The following PHLDA1 variants were observed in gnomAD, a reference collection of about 807,000 sequenced individuals.
The protein encoded by PHLDA1 is pleckstrin homology-like domain family A member 1.
A neutral mutation model predicts 33.8 loss-of-function variants in PHLDA1; 28 were observed. The ratio of observed to expected loss-of-function variants is 0.83; its 90% confidence interval spans 0.61 to 1.14. PHLDA1 has a LOEUF of 1.14. Among genes scored for constraint, PHLDA1 ranks in the 50% most tolerant of loss-of-function variants. PHLDA1 has a pLI of 0.00. For missense variants in PHLDA1, 595 were observed against 548.6 expected (o/e 1.08, Z -0.84); for synonymous variants, 271 against 243.6 (o/e 1.11, Z -1.05).
At chr12:76,025,799 G>T (rs1281252959) in exon 2 of PHLDA1, 1 of 152,202 alleles carries the variant, frequency 6.6e-6, no homozygotes, top group Non-Finnish European at 1.5e-5. Flanking sequence ...CAGAGCAGTG[G>T]AGAGTAGGTC....
In PHLDA1 at chr12:76,030,500, G is replaced by C; in HGVS notation, c.*26+10C>G. On this transcript the variant is annotated intron_variant, in intron 1 of 1. Transcript: ENST00000266671. ...CCCACTCCTCGGGAGCGCGAGTGCC[G>C]GGACCTTACCTTGTCTTGCCCGGGA... is the stretch of plus-strand genomic sequence containing the variant. 6.2e-7 allele frequency: 1 copy of C among 1,600,912 alleles called. No individual in the cohort carries two copies.
At chr12:76,026,763 C>T (rs1738072624) in exon 2 of PHLDA1, 1 of 152,168 alleles carries the variant, frequency 6.6e-6, no homozygotes, top group Non-Finnish European at 1.5e-5. Context: ...GTCAGCACTC[C>T]CCATAGAGCA....
exon 2 of PHLDA1, chr12:76,028,821 TCC>T (rs1565701494): frequency 6.6e-6 from 1 of 152,600 alleles, no homozygotes; most frequent in African/African-American, 2.4e-5. Context: ...TCCTCTTTTT[TCC>T]CCCAACAGAC....
intron 1 of PHLDA1, 41 bp downstream of exon 1, chr12:76,030,469 C>T (rs199818898): frequency 6.5e-7 from 1 of 1,535,958 alleles, no homozygotes; most frequent in Non-Finnish European, 8.9e-7. Context: ...CTCACTACCC[C>T]CGAGACCCAC....
chr12:76,030,660 TGA>T lies in PHLDA1; in HGVS notation c.1080_1081del (p.His361SerfsTer55), dbSNP rs1565701974. 2 of 1,316,950 alleles carry T rather than the reference TGA, an allele frequency of 1.5e-6. No individual in the cohort carries two copies. The highest frequency in any genetic ancestry group is 3.7e-5 in the Admixed American group (2 of 54,264). The allele number at this position is 1,316,950 out of a possible 1,614,324, so 81.6% of individuals were successfully genotyped here. On this transcript the variant is annotated frameshift_variant, in exon 1 of 2. Coordinates refer to ENST00000266671, the Ensembl canonical transcript of PHLDA1. LOFTEE classifies it high-confidence loss of function. ...GTGAGGGTGTGGGTGCGAGTGAGGA[TGA>T]GAGTGTGGATGTGGATGTGGATGCG...
exon 1 of PHLDA1, chr12:76,030,740 T>C: frequency 8.1e-7 from 1 of 1,240,896 alleles, no homozygotes; most frequent in Non-Finnish European, 1.2e-6. Context: ...GAGGCTGGGG[T>C]TGTGATTGGG....
exon 2 of PHLDA1, chr12:76,027,934 T>A (rs1367565292): frequency 2.0e-5 from 3 of 151,606 alleles, no homozygotes; most frequent in Non-Finnish European, 2.9e-5. Context: ...ATGCCTTTTT[T>A]AAAACCTACA....
At chr12:76,028,002 A>T (rs143678239) in exon 2 of PHLDA1, 2 of 151,156 alleles carry the variant, frequency 1.3e-5, no homozygotes, top group African/African-American at 4.9e-5. Context: ...TACAAGAATT[A>T]AAAAAAAATC....
rs778889845 is a variant in PHLDA1, at chr12:76,031,139, CTGCTGCTGCTGCTGCTGT to C, written c.585_602del (p.Gln199_Gln204del). 57 of 1,487,418 alleles carry C rather than the reference CTGCTGCTGCTGCTGCTGT, an allele frequency of 3.8e-5. No homozygotes were observed. Among genetic ancestry groups the C allele is most frequent in the Admixed American group, 1.1e-4 (5 of 47,160 alleles). 92.1% of individuals were successfully genotyped at this position (1,487,418 alleles called of 1,614,324 possible). Reference sequence around the variant, plus strand: ...CCGGCCCCTGCCCGGGCTGTTGTTGCTGCTGCTGCTGCTGCTGTTGCTGCTGCTGCTGCTGGTGTTGCA... The same window carrying C: ...CCGGCCCCTGCCCGGGCTGTTGTTGCTGCTGCTGCTGCTGCTGGTGTTGCA... On this transcript the variant is annotated inframe_deletion, in exon 1 of 2. Transcript: ENST00000266671. This position sits in a 1 kb window ranked among gnomAD's most constrained non-coding sequence, Gnocchi z 5.4.
exon 2 of PHLDA1, chr12:76,028,113 T>C (rs951769228): frequency 1.3e-5 from 2 of 152,116 alleles, no homozygotes; most frequent in African/African-American, 4.8e-5. Flanking sequence ...CAGCCACAGT[T>C]CTAAGGAAGC....
Position 76,031,444 on chromosome 12 carries a change from G to A in PHLDA1, c.298C>T (p.Leu100Phe). The stretch of plus-strand genomic sequence containing the variant: ...CGGCTCCCACGGCCGCCTGCCCGGA[G>A]CGCGCAGAGGAGGCTAACACGCAGG... Residue 100 changes from leucine to phenylalanine, a missense_variant, in exon 1 of 2, where the codon CTC (leucine) becomes TTC (phenylalanine). Coordinates refer to ENST00000266671, the Ensembl canonical transcript of PHLDA1. This position sits in a 1 kb window ranked among gnomAD's most constrained non-coding sequence, Gnocchi z 5.4. The A allele has an allele frequency of 2.6e-6, 4 of 1,539,810 alleles. No homozygotes were observed. The highest frequency in any genetic ancestry group is 3.5e-6 in the Non-Finnish European group (4 of 1,144,824).
At position 76,031,664 on chromosome 12, in the gene PHLDA1, A is replaced by G. The variant is rs778386035; in HGVS notation, c.78T>C (p.Phe26=). Residue 26 remains phenylalanine (F), a synonymous_variant, in exon 1 of 2, where the codon TTT becomes TTC. Coordinates refer to ENST00000266671, the Ensembl canonical transcript of PHLDA1. This position sits in a 1 kb window ranked among gnomAD's most constrained non-coding sequence, Gnocchi z 5.4. ...CCCACCCCCGAGTGACACCCAGCGG[A>G]AAAGGCGGCTCCTGGCGCCCGCACC... 1 of 1,505,632 alleles carries G rather than the reference A, an allele frequency of 6.6e-7. No individual in the cohort carries two copies. The highest frequency in any genetic ancestry group is 1.3e-5 in the South Asian group (1 of 78,114). 93.3% of individuals were successfully genotyped at this position (1,505,632 alleles called of 1,614,324 possible). A position where few individuals can be genotyped will look rare whatever the true frequency, so the allele number is the denominator to read the frequency against.
chr12:76,030,849 T>A (rs1234624732), exon 1 of PHLDA1: 1 of 1,600,674 alleles, frequency 6.2e-7, no homozygotes, highest in African/African-American at 1.3e-5. Context: ...GTGCTGCTGC[T>A]TCTGCCGCGT....
In PHLDA1 at chr12:76,031,204, G is replaced by C. The variant is rs748941233; in HGVS notation, c.538C>G (p.Leu180Val). ...TGCAGCTGCTTGGGCGGGATAAGCA[G>C]CAGCCCTTCCTCGGTGAGGATGCAA... The change falls in exon 1 of 2, where the codon CTG (leucine) becomes GTG (valine). Residue 180 changes from leucine to valine, a missense_variant. Physicochemically the swap from Leu to Val is conservative, Grantham distance 32. Around this residue, in one of 3 missense-constraint regions of PHLDA1, gnomAD observed 328 missense variants for 295.7 expected, o/e 1.11. Transcript: ENST00000266671. The surrounding 1 kb of genome is among the most constrained non-coding windows in gnomAD (Gnocchi z 5.4). The C allele has an allele frequency of 6.2e-7, 1 of 1,613,496 alleles. No individual in the cohort carries two copies. The highest frequency in any genetic ancestry group is 1.1e-5 in the South Asian group (1 of 91,050).
chr12:76,031,057 G>C lies in PHLDA1; in HGVS notation c.685C>G (p.Leu229Val). 4 of 1,610,810 alleles carry C rather than the reference G, an allele frequency of 2.5e-6. No individual in the cohort carries two copies. The highest frequency in any genetic ancestry group is 3.4e-6 in the Non-Finnish European group (4 of 1,179,934). ...ATGTTGGAGAAGTGCAGTTCCTTGA[G>C]CTTGACCGGCGGCTCGAGGCTGGCG... is the stretch of plus-strand genomic sequence containing the variant. The change falls in exon 1 of 2, where the codon CTC becomes GTC. Residue 229 changes from leucine to valine, a missense_variant. Leu to Val is a conservative substitution (Grantham distance 32). Coordinates refer to ENST00000266671, the Ensembl canonical transcript of PHLDA1. This position sits in a 1 kb window ranked among gnomAD's most constrained non-coding sequence, Gnocchi z 5.4.
chr12:76,027,134 T>C (rs1273264165), exon 2 of PHLDA1: 1 of 152,218 alleles, frequency 6.6e-6, no homozygotes, highest in Non-Finnish European at 1.5e-5. Context: ...GAAAAATGCA[T>C]TTTTTACCTT....
At chr12:76,027,195 A>G (rs530707868) in exon 2 of PHLDA1, 1 of 152,280 alleles carries the variant, frequency 6.6e-6, no homozygotes, top group Non-Finnish European at 1.5e-5. Flanking sequence ...GTGGTTTTGT[A>G]TCATTTTCTT....
Position 76,031,531 on chromosome 12 carries a change from A to G in PHLDA1, c.211T>C (p.Trp71Arg). Residue 71 changes from tryptophan to arginine, a missense_variant, in exon 1 of 2, where the codon TGG (tryptophan) becomes CGG (arginine). Trp to Arg is a moderately radical substitution (Grantham distance 101). Around this residue, in one of 3 missense-constraint regions of PHLDA1, gnomAD observed 263 missense variants for 232.3 expected, o/e 1.13. Coordinates refer to ENST00000266671, the Ensembl canonical transcript of PHLDA1. The surrounding 1 kb of genome is among the most constrained non-coding windows in gnomAD (Gnocchi z 5.4). ...AGGGACAGCCGCGTCCTGATGCGCC[A>G]CAAGGTCCCGGAGCTCCGAGCTGCC... The G allele has an allele frequency of 6.5e-7, 1 of 1,533,804 alleles. No homozygotes were observed. Among genetic ancestry groups the G allele is most frequent in the Non-Finnish European group, 8.7e-7 (1 of 1,143,786 alleles).
At chr12:76,028,567 G>A (rs1431503130) in exon 2 of PHLDA1, 1 of 152,304 alleles carries the variant, frequency 6.6e-6, no homozygotes, top group African/African-American at 2.4e-5. Flanking sequence ...ACCTAGCAGT[G>A]GTCTAATACT....
Sources: allele counts gnomAD v4.1 joint callset, GRCh38; gene constraint gnomAD v4.1.1; regional missense constraint gnomAD v4.1.1; non-coding constraint Gnocchi (gnomAD v3.1); transcripts MANE v1.5; gene names NCBI Gene and HGNC (gene_info 2026-07-23, HGNC 2026-07-21).